ABCA3: variants seen among roughly 807,000 people sequenced by gnomAD.
ABCA3 encodes the protein phospholipid-transporting ATPase ABCA3.
A neutral mutation model predicts 172.8 loss-of-function variants in ABCA3; 88 were observed. That is an observed-to-expected ratio of 0.51 (90% CI 0.43 to 0.61). The LOEUF is 0.61. ABCA3 is among the 20% of genes least tolerant of loss of function. ABCA3 has a pLI of 0.00. For synonymous variants in ABCA3, 1,066 were observed against 983.8 expected (o/e 1.08, Z -1.56); for missense variants, 2,164 against 2,301.0 (o/e 0.94, Z 1.22).
chr16:2,291,652 T>C (rs1302853192), intron 19 of ABCA3, among the ~76,000 whole-genome samples: 3 of 152,310 alleles, frequency 2.0e-5, no homozygotes, highest in Non-Finnish European at 4.4e-5. Context: ...ACACCAATGT[T>C]GCTGACAGTC....
chr16:2,299,936 T>C (rs2141710416), intron 13 of ABCA3, 69 bp downstream of exon 13: 3 of 1,599,660 alleles, frequency 1.9e-6, no homozygotes, highest in Non-Finnish European at 2.6e-6. Context: ...GAGGTCTCAC[T>C]GCCGTGCTGG....
At chr16:2,318,994 G>A (rs2093721210) in intron 8 of ABCA3, among the ~76,000 whole-genome samples, 1 of 151,432 alleles carries the variant, frequency 6.6e-6, no homozygotes, top group South Asian at 2.1e-4. Context: ...GCCCACTGCT[G>A]ACTCCCTCAA....
intron 1 of ABCA3, among the ~76,000 whole-genome samples, chr16:2,330,857 C>A (rs1280466336): frequency 6.6e-6 from 1 of 151,884 alleles, no homozygotes; most frequent in Non-Finnish European, 1.5e-5. Context: ...CACCACAGCG[C>A]CCGGCTAATT....
In ABCA3 at chr16:2,319,622, T is replaced by C. The variant is rs966666196; in HGVS notation, c.832A>G (p.Ile278Val). ...TTCTCCTGCACGACAGCACGGGCAA[T>C]GGTGAGCGCGGTGTAGGTGAAGCTG... Reference protein sequence around the residue: ...LLSFTYTALTIARAVVQEKER... With the variant: ...LLSFTYTALTVARAVVQEKER... The change falls in exon 8 of 33, where the codon ATT (isoleucine) becomes GTT (valine). Residue 278 changes from isoleucine (I) to valine (V), a missense_variant. Coordinates refer to ENST00000301732, the MANE Select transcript of ABCA3 (RefSeq NM_001089.3). 1.2e-6 allele frequency: 2 copies of C among 1,612,892 alleles called. No homozygotes were observed. The highest frequency in any genetic ancestry group is 2.7e-5 in the African/African-American group (2 of 74,738).
chr16:2,322,502 T>C (rs1307431370), intron 7 of ABCA3, among the ~76,000 whole-genome samples: 1 of 150,148 alleles, frequency 6.7e-6, no homozygotes, highest in Non-Finnish European at 1.5e-5. Flanking sequence ...TAACATTAGG[T>C]ATATCTCCTA....
At chr16:2,318,565 T>A (rs191155314) in intron 8 of ABCA3, among the ~76,000 whole-genome samples, 222 of 151,614 alleles carry the variant, frequency 1.5e-3, no homozygotes, top group Non-Finnish European at 2.4e-3. Context: ...CAGGCTGGAG[T>A]GCAGTGGTGC....
rs958635241 is a variant in ABCA3 at position 2,329,871 on chromosome 16, G to A, written c.-538-17C>T. Reference sequence around the variant, plus strand: ...CTCCAGCACCTTTGGACAGATGGAAGGTGTTTGAGTGTAATTTGGAAAATA... The same window carrying A: ...CTCCAGCACCTTTGGACAGATGGAAAGTGTTTGAGTGTAATTTGGAAAATA... On this transcript the variant is annotated splice_polypyrimidine_tract_variant and intron_variant, in intron 1 of 32. Coordinates refer to ENST00000301732, the MANE Select transcript of ABCA3 (RefSeq NM_001089.3). 1.3e-5 allele frequency: 2 copies of A among 152,208 alleles called. No individual in the cohort carries two copies. The highest frequency in any genetic ancestry group is 4.8e-5 in the African/African-American group (2 of 41,442). 9.4% of individuals were successfully genotyped at this position (152,208 alleles called of 1,614,324 possible). A position where few individuals can be genotyped will look rare whatever the true frequency, so the allele number is the denominator to read the frequency against.
intron 1 of ABCA3, chr16:2,339,360 C>T (rs747227273): frequency 1.3e-5 from 2 of 151,984 alleles, no homozygotes; most frequent in Non-Finnish European, 2.9e-5. Context: ...GGAGAGACGT[C>T]GTCCTGTTTT....
intron 19 of ABCA3, among the ~76,000 whole-genome samples, chr16:2,291,200 G>A (rs1032673255): frequency 1.3e-5 from 2 of 152,072 alleles, no homozygotes; most frequent in African/African-American, 4.8e-5. Context: ...GTAATGACGT[G>A]CGCCTGCAGT....
At chr16:2,327,270 C>A (rs1278693340) in intron 3 of ABCA3, among the ~76,000 whole-genome samples, 2 of 152,102 alleles carry the variant, frequency 1.3e-5, no homozygotes, top group African/African-American at 4.8e-5. Context: ...ATGCCACCAA[C>A]ACCCGGCTGG....
intron 28 of ABCA3, among the ~76,000 whole-genome samples, chr16:2,280,231 A>T (rs965136700): frequency 6.6e-6 from 1 of 152,232 alleles, no homozygotes; most frequent in African/African-American, 2.4e-5. Context: ...TTTCAATTGC[A>T]TAATTTATTT....
chr16:2,298,682 A>C, intron 14 of ABCA3, 142 bp from the exon 15 acceptor site: 18 of 975,154 alleles, frequency 1.8e-5, no homozygotes, highest in Non-Finnish European at 2.4e-5. Flanking sequence ...CCCCACTCCC[A>C]CTGGGGTGGG....
intron 14 of ABCA3, among the ~76,000 whole-genome samples, chr16:2,299,120 C>T (rs1467619850): frequency 1.5e-5 from 2 of 137,920 alleles, no homozygotes; most frequent in African/African-American, 5.3e-5. Flanking sequence ...CGGACAGAGG[C>T]GGTGAGGAGG....
chr16:2,319,525 G>T (rs1264469699), intron 8 of ABCA3, 56 bp downstream of exon 8: 11 of 1,586,162 alleles, frequency 6.9e-6, no homozygotes, highest in Admixed American at 1.7e-5. Flanking sequence ...TTTGGACATG[G>T]CCTCCCCAGG....
At position 2,297,841 on chromosome 16, in the gene ABCA3, G is replaced by T; in HGVS notation, c.1977C>A (p.Asn659Lys). Residue 659 changes from asparagine (N) to lysine (K), a missense_variant, in exon 16 of 33, where the codon AAC becomes AAA. Around this residue, in one of 3 missense-constraint regions of ABCA3, gnomAD observed 1,343 missense variants for 1,369.6 expected, o/e 0.98. Transcript: ENST00000301732. This position sits in a 1 kb window ranked among gnomAD's most constrained non-coding sequence, Gnocchi z 5.6. ...CCCCGCTCAGGAAGCGGCTCCGTGA[G>T]TTCCACTTGTCCTCCAGGCCGATGA... ...LHIIGLEDKW[N>K]SRSRFLSGGM... 1.2e-6 allele frequency: 2 copies of T among 1,613,836 alleles called. No homozygotes were observed.
chr16:2,319,588 C>T lies in ABCA3; in HGVS notation c.866G>A (p.Arg289Lys). The change falls in exon 8 of 33, where the codon AGG becomes AAG. Residue 289 changes from arginine (R) to lysine (K), a missense_variant. By Grantham distance (26) the Arg-to-Lys change is conservative. Around this residue, in one of 3 missense-constraint regions of ABCA3, gnomAD observed 1,343 missense variants for 1,369.6 expected, o/e 0.98. Transcript: ENST00000301732. ...GCCAAAGCGGGCAGTCACCTTCAGC[C>T]TCCTTTCCTTCTCCTGCACGACAGC... The part of the protein sequence containing the change: ...ARAVVQEKER[R>K]LKEYMRMMGL... 6.2e-7 allele frequency: 1 copy of T among 1,612,002 alleles called. No individual in the cohort carries two copies. The highest frequency in any genetic ancestry group is 8.5e-7 in the Non-Finnish European group (1 of 1,179,996).
Position 2,276,678 on chromosome 16 carries a change from C to A in ABCA3, c.5111G>T (p.Arg1704Leu), listed in dbSNP as rs565798050. The change falls in exon 33 of 33, where the codon CGA becomes CTA. Residue 1704 changes from arginine to leucine, a missense_variant. Coordinates refer to ENST00000301732, the MANE Select transcript of ABCA3 (RefSeq NM_001089.3). ...TGGCGAGACAGCCGCCACCCCTCAT[C>A]GCCCCTCCTCTGCGGTGGGCGGCTG... Reference protein sequence around the residue: ...HLQPPTAEEGR With the variant: ...HLQPPTAEEGL The A allele has an allele frequency of 1.2e-6, 2 of 1,613,082 alleles. No homozygotes were observed. The highest frequency in any genetic ancestry group is 2.7e-5 in the African/African-American group (2 of 74,938).
At position 2,277,709 on chromosome 16, in the gene ABCA3, C is replaced by T. The variant is rs1414367068; in HGVS notation, c.4910-39G>A. On this transcript the variant is annotated intron_variant, in intron 31 of 32. Coordinates refer to ENST00000301732, the MANE Select transcript of ABCA3 (RefSeq NM_001089.3). The surrounding 1 kb of genome is among the most constrained non-coding windows in gnomAD (Gnocchi z 5.3). ...AGACGGTGTTGCTGTGAGCGCCGGGCTGGAGGATCGGGGAGGGTGCCTGGG... is the reference window on the plus strand; with the variant it reads ...AGACGGTGTTGCTGTGAGCGCCGGGTTGGAGGATCGGGGAGGGTGCCTGGG... 1.9e-6 allele frequency: 3 copies of T among 1,611,510 alleles called. No homozygotes were observed. The African/African-American group carries it at 4.0e-5, about 22-fold the overall frequency.
chr16:2,301,432 G>T (rs1205660750), intron 12 of ABCA3, among the ~76,000 whole-genome samples: 1 of 151,920 alleles, frequency 6.6e-6, no homozygotes, highest in East Asian at 1.9e-4. Context: ...CTCGGCTGGA[G>T]GTGGTGGCTC....
Sources: gnomAD v4.1 joint callset for allele counts (sites outside exome capture counted in the v4.1 genomes callset) on GRCh38, gnomAD v4.1.1 for gene constraint, gnomAD v4.1.1 regional missense constraint, Gnocchi (gnomAD v3.1) non-coding constraint, MANE v1.5 for transcripts, NCBI Gene and HGNC (gene_info 2026-07-23, HGNC 2026-07-21) for gene names.